NCOR1: variants seen among roughly 807,000 people sequenced by gnomAD.
The protein encoded by NCOR1 is protein phosphatase 1, regulatory subunit 109.
In NCOR1, 63 loss-of-function variants were observed where a neutral mutation model predicts 288.1. The ratio of observed to expected loss-of-function variants is 0.22; its 90% CI spans 0.18 to 0.27. The LOEUF is 0.27. Among genes scored for constraint, NCOR1 ranks in the 10% least tolerant of loss-of-function variants. The pLI is 1.00. For synonymous variants in NCOR1, 1,007 were observed against 1,065.9 expected (o/e 0.94, Z 1.08); for missense variants, 2,397 against 3,019.2 (o/e 0.79, Z 4.83).
chr17:16,080,196 G>T (rs534953951), intron 25 of NCOR1, 132 bp from the exon 26 acceptor site: 4 of 829,954 alleles, frequency 4.8e-6, no homozygotes, highest in Non-Finnish European at 7.4e-6. Flanking sequence ...CATCATGTTT[G>T]TTTTATTAAA....
chr17:16,206,701 A>C (rs1468755035), intron 1 of NCOR1, among the ~76,000 whole-genome samples: 1 of 152,150 alleles, frequency 6.6e-6, no homozygotes, highest in African/African-American at 2.4e-5. Flanking sequence ...TGGTATCTTC[A>C]TGTACTAGAA....
At chr17:16,098,579 G>T in intron 20 of NCOR1, 83 bp from the exon 21 acceptor site, 1 of 1,237,740 alleles carries the variant, frequency 8.1e-7, no homozygotes, top group Non-Finnish European at 1.1e-6. Context: ...TTCTAAGTTA[G>T]TATGTACATA....
Position 16,046,925 on chromosome 17 carries a change from G to T in NCOR1, c.6679+26C>A, listed in dbSNP as rs778451388. 9 of 1,610,198 alleles carry T rather than the reference G, an allele frequency of 5.6e-6. No homozygotes were observed. In the South Asian group the frequency reaches 1.0e-4, roughly 18 times the overall value. ...TCATTATTAATGCATGTTTTATTTG[G>T]GGTTCATGAAAGAAATCCCACTTAC... On this transcript the variant is annotated intron_variant, in intron 42 of 45. Coordinates refer to ENST00000268712, the MANE Select transcript of NCOR1 (RefSeq NM_006311.4).
Position 16,050,225 on chromosome 17 carries a change from AT to A in NCOR1, c.6393-1238del, listed in dbSNP as rs200783067. 4.2e-3 allele frequency among the ~76,000 whole-genome samples: 589 copies of A among 139,692 alleles called. 2 individuals are homozygous for A. Among genetic ancestry groups the A allele is most frequent in the East Asian group, 0.022 (107 of 4,804 alleles). The allele number at this position is 139,692 out of a possible 152,430, so 91.6% of individuals were successfully genotyped here. A position where few individuals can be genotyped will look rare whatever the true frequency, so the allele number is the denominator to read the frequency against. On this transcript the variant is annotated intron_variant, in intron 40 of 45. Transcript: ENST00000268712. ...AGCACCTCGCCCCACCACACCCTCA[AT>A]TTTTTTTTTTTTTTAAGACAGAGTC... is the stretch of plus-strand genomic sequence containing the variant.
intron 19 of NCOR1, among the ~76,000 whole-genome samples, chr17:16,105,811 C>T (rs928105156): frequency 6.6e-6 from 1 of 152,114 alleles, no homozygotes; most frequent in African/African-American, 2.4e-5. Flanking sequence ...TAATATATGG[C>T]AGCCATGGCC....
Position 16,055,964 on chromosome 17 carries a change from C to G in NCOR1, c.6392+1550G>C, listed in dbSNP as rs918962291. On this transcript the variant is annotated intron_variant, in intron 40 of 45. Transcript: ENST00000268712. Reference sequence around the variant, plus strand: ...GGGGCAAGCGGGGATGAAAATGAAACAAAACTCGTCATACACTGAGGATTA... The same window carrying G: ...GGGGCAAGCGGGGATGAAAATGAAAGAAAACTCGTCATACACTGAGGATTA... Among the ~76,000 whole-genome samples the G allele has an allele frequency of 3.9e-5, 6 of 152,220 alleles. No homozygotes were observed. In the East Asian group the frequency reaches 1.2e-3, roughly 29 times the overall value.
intron 3 of NCOR1, 46 bp from the exon 4 acceptor site, chr17:16,172,041 GTACAACTCCC>G: frequency 7.0e-7 from 1 of 1,418,666 alleles, no homozygotes; most frequent in Non-Finnish European, 9.5e-7. Flanking sequence ...TGTAAGTGAT[GTACAACTCCC>G]TGGTAACATC....
At chr17:16,162,546 A>G (rs1288164728) in intron 5 of NCOR1, among the ~76,000 whole-genome samples, 1 of 152,112 alleles carries the variant, frequency 6.6e-6, no homozygotes, top group African/African-American at 2.4e-5. Context: ...ACAACCTGAG[A>G]GAAAATTCAC....
intron 1 of NCOR1, among the ~76,000 whole-genome samples, chr17:16,205,640 G>GAA (rs2091406222): frequency 8.5e-4 from 63 of 74,058 alleles, no homozygotes; most frequent in Admixed American, 4.6e-3. Context: ...GAAAAGAAAA[G>GAA]AAGAAAAAAA....
chr17:16,087,330 T>C (rs1235004785), intron 22 of NCOR1: 4 of 1,303,950 alleles, frequency 3.1e-6, no homozygotes, highest in Non-Finnish European at 4.0e-6. Flanking sequence ...ATAAGGCATA[T>C]AGGCGACTGA....
intron 13 of NCOR1, chr17:16,137,781 G>A (rs1451925314): frequency 4.4e-6 from 1 of 225,180 alleles, no homozygotes; most frequent in South Asian, 1.5e-4. Context: ...AATATGGAAT[G>A]ATTCACAAAT....
intron 18 of NCOR1, among the ~76,000 whole-genome samples, chr17:16,114,153 A>AAAAAAAC (rs1555667719): frequency 3.8e-5 from 5 of 133,290 alleles, no homozygotes; most frequent in Admixed American, 7.5e-5. Flanking sequence ...CAAAAAAAAA[A>AAAAAAAC]AAAAAAAAAA....
intron 20 of NCOR1, among the ~76,000 whole-genome samples, chr17:16,099,458 T>C (rs2067221918): frequency 6.6e-6 from 1 of 152,236 alleles, no homozygotes; most frequent in Non-Finnish European, 1.5e-5. Flanking sequence ...TTGAAAGTGT[T>C]ATTTCGGTCA....
At chr17:16,100,772 T>C (rs1200042379) in intron 20 of NCOR1, among the ~76,000 whole-genome samples, 1 of 152,252 alleles carries the variant, frequency 6.6e-6, no homozygotes, top group African/African-American at 2.4e-5. Flanking sequence ...TAAATTATGC[T>C]TTCTAAAAAT....
At chr17:16,076,786 C>A (rs1213905295) in intron 26 of NCOR1, among the ~76,000 whole-genome samples, 1 of 152,072 alleles carries the variant, frequency 6.6e-6, no homozygotes, top group Non-Finnish European at 1.5e-5. Flanking sequence ...CAAACTTGCA[C>A]CAAAAAAAGG....
chr17:16,201,469 CAT>C (rs914361203), intron 1 of NCOR1, among the ~76,000 whole-genome samples: 16 of 152,110 alleles, frequency 1.1e-4, no homozygotes, highest in African/African-American at 3.4e-4. Flanking sequence ...CATGGTGACA[CAT>C]GTCTGTAATC....
chr17:16,160,251 T>C (rs1436498540), intron 5 of NCOR1, among the ~76,000 whole-genome samples: 1 of 152,180 alleles, frequency 6.6e-6, no homozygotes, highest in Admixed American at 6.5e-5. Context: ...ATAAAGCATA[T>C]TACAATTATA....
At chr17:16,182,046 A>C (rs1238074546) in intron 3 of NCOR1, among the ~76,000 whole-genome samples, 1 of 152,196 alleles carries the variant, frequency 6.6e-6, no homozygotes, top group Non-Finnish European at 1.5e-5. Flanking sequence ...ATATCAGATC[A>C]CTGTGATTGT....
rs1600577598 is a variant in NCOR1 at position 16,207,086 on chromosome 17, T to A, written c.-71+8276A>T. On this transcript the variant is annotated intron_variant, in intron 1 of 45. Coordinates refer to ENST00000268712, the MANE Select transcript of NCOR1 (RefSeq NM_006311.4). The stretch of plus-strand genomic sequence containing the variant: ...TTTACGTTCTGCATATTTTAGGTTA[T>A]AACTCCTAGATAGCACAAGTTTTGA... Among the ~76,000 whole-genome samples the A allele has an allele frequency of 3.9e-5, 6 of 152,300 alleles. No individual in the cohort carries two copies. In the South Asian group the frequency reaches 1.2e-3, roughly 32 times the overall value.
Sources: gnomAD v4.1 joint callset for allele counts (sites outside exome capture counted in the v4.1 genomes callset) on GRCh38, gnomAD v4.1.1 for gene constraint, MANE v1.5 for transcripts, NCBI Gene and HGNC (gene_info 2026-07-23, HGNC 2026-07-21) for gene names.